Variants in COL27A1 observed in about 807,000 individuals in gnomAD.
COL27A1 encodes the protein collagen alpha-1(XXVII) chain.
A neutral mutation model predicts 251.3 loss-of-function variants in COL27A1; 106 were observed. The observed-to-expected ratio is 0.42, with a 90% confidence interval of 0.36 to 0.50. The LOEUF (loss-of-function observed/expected upper bound fraction) is 0.50. Among genes scored for constraint, COL27A1 ranks in the 20% least tolerant of loss-of-function variants. The pLI, the probability that COL27A1 is intolerant of heterozygous loss-of-function variation, is 0.00. For synonymous variants in COL27A1, 1,000 were observed against 986.3 expected, an observed-to-expected ratio of 1.01 and a Z score of -0.26; for missense variants, 2,325 against 2,522.8, an observed-to-expected ratio of 0.92 and a Z score of 1.68.
intron 14 of COL27A1, among the ~76,000 whole-genome samples, chr9:114,230,424 G>A (rs7847659): frequency 0.017 from 2,545 of 152,280 alleles, 52 homozygotes; most frequent in African/African-American, 0.055. Flanking sequence ...TCTGCAAACT[G>A]CACACCCGCA....
Position 114,209,655 on chromosome 9 carries a change from C to T in COL27A1, c.2269-20C>T. ...ACCTCACTGCTTGACCGCTCTGACC[C>T]CCTTTCTTCTCTTTCCTAGGGCTAC... is the stretch of plus-strand genomic sequence containing the variant. On this transcript the variant is annotated intron_variant, in intron 10 of 60. Coordinates refer to ENST00000356083, the MANE Select transcript of COL27A1 (RefSeq NM_032888.4). 1.2e-6 allele frequency: 2 copies of T among 1,613,906 alleles called. No homozygotes were observed. The highest frequency in any genetic ancestry group is 1.7e-6 in the Non-Finnish European group (2 of 1,179,780).
intron 2 of COL27A1, among the ~76,000 whole-genome samples, chr9:114,163,375 T>C (rs1301559800): frequency 2.6e-5 from 4 of 151,844 alleles, no homozygotes; most frequent in Non-Finnish European, 5.9e-5. Flanking sequence ...GTTGTCCCTG[T>C]TTGTCCAATG....
intron 49 of COL27A1, among the ~76,000 whole-genome samples, chr9:114,295,407 T>G (rs1422071857): frequency 6.6e-6 from 1 of 152,240 alleles, no homozygotes; most frequent in African/African-American, 2.4e-5. Context: ...GTAAAGCTTA[T>G]CGGGTTTTCA....
intron 37 of COL27A1, among the ~76,000 whole-genome samples, chr9:114,278,287 TTGA>T (rs911521192): frequency 1.2e-4 from 14 of 112,468 alleles, no homozygotes; most frequent in African/African-American, 3.8e-4. Flanking sequence ...GATGGGGGTG[TTGA>T]TGGTGGTAGT....
rs920376580 is a variant in COL27A1, at chr9:114,235,035, C to T, written c.2566-564C>T. Reference sequence around the variant, plus strand: ...TCAAAGCTGCACAGAGCCAAGATTGCACCACTGCTCTCCAACCTGAGCAAC... The same window carrying T: ...TCAAAGCTGCACAGAGCCAAGATTGTACCACTGCTCTCCAACCTGAGCAAC... On this transcript the variant is annotated intron_variant, in intron 16 of 60. Transcript: ENST00000356083. Among the ~76,000 whole-genome samples the T allele has an allele frequency of 5.4e-5, 8 of 148,302 alleles. No individual in the cohort carries two copies. In the South Asian group the frequency reaches 1.7e-3, roughly 32 times the overall value.
At chr9:114,276,811 C>T (rs907181661) in intron 37 of COL27A1, among the ~76,000 whole-genome samples, 5 of 152,224 alleles carry the variant, frequency 3.3e-5, no homozygotes, top group African/African-American at 1.2e-4. Flanking sequence ...GCATCCCTGA[C>T]TTTGAGGGAC....
At chr9:114,261,983 C>G (rs1834372639) in intron 28 of COL27A1, among the ~76,000 whole-genome samples, 1 of 152,220 alleles carries the variant, frequency 6.6e-6, no homozygotes, top group South Asian at 2.1e-4. Context: ...AAACAAGGTG[C>G]TATGGGCTTC....
chr9:114,282,948 A>G (rs948751252), intron 39 of COL27A1, among the ~76,000 whole-genome samples: 4 of 152,158 alleles, frequency 2.6e-5, no homozygotes, highest in Admixed American at 6.5e-5. Flanking sequence ...GGAGGAATGG[A>G]GTGATGCTGC....
In COL27A1 at chr9:114,180,235, G is replaced by A. The variant is rs143384717; in HGVS notation, c.1962+1891G>A. Reference sequence around the variant, plus strand: ...GGCCTCGGTTACCTCTCTCTCCTACGTGATGCCTGGCAGAGCACCCTGCGT... The same window carrying A: ...GGCCTCGGTTACCTCTCTCTCCTACATGATGCCTGGCAGAGCACCCTGCGT... On this transcript the variant is annotated intron_variant, in intron 4 of 60. Coordinates refer to ENST00000356083, the MANE Select transcript of COL27A1 (RefSeq NM_032888.4). Among the ~76,000 whole-genome samples, 287 of 152,230 alleles carry A rather than the reference G, an allele frequency of 1.9e-3. 2 individuals carry two copies. Among genetic ancestry groups the A allele is most frequent in the African/African-American group, 6.6e-3 (275 of 41,528 alleles).
At chr9:114,193,663 C>G (rs1226050773) in intron 5 of COL27A1, among the ~76,000 whole-genome samples, 1 of 152,104 alleles carries the variant, frequency 6.6e-6, no homozygotes, top group East Asian at 1.9e-4. Context: ...TTGTAGAAAT[C>G]TAGTGCGGTG....
At chr9:114,277,732 G>A (rs545140503) in intron 37 of COL27A1, among the ~76,000 whole-genome samples, 19 of 152,292 alleles carry the variant, frequency 1.2e-4, no homozygotes, top group Middle Eastern at 3.4e-3. Context: ...GGAGGGTCCC[G>A]GGCCAGGATT....
At chr9:114,261,179 C>A (rs574623031) in intron 28 of COL27A1, among the ~76,000 whole-genome samples, 1 of 152,306 alleles carries the variant, frequency 6.6e-6, no homozygotes, top group Admixed American at 6.5e-5. Flanking sequence ...TTCATCGGCC[C>A]CTTTTTCACA....
chr9:114,172,585 C>A (rs1474185991), intron 3 of COL27A1, among the ~76,000 whole-genome samples: 1 of 152,162 alleles, frequency 6.6e-6, no homozygotes, highest in Non-Finnish European at 1.5e-5. Context: ...GCAGGCGGAT[C>A]ACTTGAGGCC....
At chr9:114,254,664 G>C (rs1833805961) in intron 27 of COL27A1, among the ~76,000 whole-genome samples, 1 of 152,164 alleles carries the variant, frequency 6.6e-6, no homozygotes. Flanking sequence ...ATGAGGAAGG[G>C]CCCTGAAGCC....
At chr9:114,266,869 G>A (rs1399528483) in intron 33 of COL27A1, among the ~76,000 whole-genome samples, 9 of 152,184 alleles carry the variant, frequency 5.9e-5, no homozygotes, top group Non-Finnish European at 1.3e-4. Flanking sequence ...GGACCCTTGT[G>A]GGGGTTGGCA....
rs374822861 is a variant in COL27A1 at position 114,306,504 on chromosome 9, C to A, written c.4939-16C>A. On this transcript the variant is annotated splice_polypyrimidine_tract_variant and intron_variant, in intron 57 of 60. Transcript: ENST00000356083. ...AGGACCCTAAGGTCCCAATGACCAC[C>A]CTCTCCTCGTGACAGAGTTACAGCT... The A allele has an allele frequency of 1.2e-6, 2 of 1,613,366 alleles. No individual in the cohort carries two copies. Among genetic ancestry groups the A allele is most frequent in the Admixed American group, 3.3e-5 (2 of 59,954 alleles).
At chr9:114,288,543 C>A in intron 42 of COL27A1, 32 bp downstream of exon 42, 1 of 1,583,340 alleles carries the variant, frequency 6.3e-7, no homozygotes, top group Non-Finnish European at 8.6e-7. Context: ...GACCATGTGG[C>A]GTCCTAGGTG....
At chr9:114,161,152 G>GC (rs35018033) in intron 1 of COL27A1, among the ~76,000 whole-genome samples, 12,183 of 152,140 alleles carry the variant, frequency 0.08, 650 homozygotes, top group South Asian at 0.13. Context: ...TGCTCATGGG[G>GC]CTTGTTACCT....
intron 5 of COL27A1, among the ~76,000 whole-genome samples, chr9:114,193,048 A>C (rs2808786): frequency 0.67 from 101,810 of 151,996 alleles, 35,967 homozygotes; most frequent in Non-Finnish European, 0.77. Flanking sequence ...TGTGGTCCCC[A>C]CTTTAAAGGT....
Sources: gnomAD v4.1 joint callset for allele counts (sites outside exome capture counted in the v4.1 genomes callset) on GRCh38, gnomAD v4.1.1 for gene constraint, MANE v1.5 for transcripts, NCBI Gene and HGNC (gene_info 2026-07-23, HGNC 2026-07-21) for gene names.